Variants in PLCH1 observed in about 807,000 individuals in gnomAD.
PLCH1 encodes the protein phospholipase C eta 1, also known as 1-phosphatidylinositol 4,5-bisphosphate phosphodiesterase eta-1.
A neutral mutation model predicts 126.7 loss-of-function variants in PLCH1; 60 were observed. That is an observed-to-expected ratio of 0.47 (90% CI 0.38 to 0.59). The LOEUF is 0.59. Ranked by LOEUF, PLCH1 falls within the 20% of genes least tolerant of loss-of-function variation. The pLI, the probability that PLCH1 is intolerant of heterozygous loss-of-function variation, is 0.00. For missense variants in PLCH1, 1,723 were observed against 2,040.0 expected, an observed-to-expected ratio of 0.84 and a Z score of 2.99; for synonymous variants, 719 against 734.9, an observed-to-expected ratio of 0.98 and a Z score of 0.35.
At chr3:155,573,558 G>A (rs1161272418) in intron 6 of PLCH1, among the ~76,000 whole-genome samples, 1 of 152,124 alleles carries the variant, frequency 6.6e-6, no homozygotes, top group East Asian at 1.9e-4. Context: ...GCTGTTGGCT[G>A]GGCCTCTTTC....
chr3:155,633,412 T>TCACACACA lies in PLCH1; in HGVS notation c.80-37042_80-37035dup, dbSNP rs59152066. ...TTCTTTCAGCACTTATTATATAACA[T>TCACACACA]CACACACACACACACACACACACAC... is the stretch of plus-strand genomic sequence containing the variant. On this transcript the variant is annotated intron_variant, in intron 2 of 22. Coordinates refer to ENST00000460012, the MANE Select transcript of PLCH1 (RefSeq NM_014996.4). 3.1e-3 allele frequency among the ~76,000 whole-genome samples: 444 copies of TCACACACA among 142,444 alleles called. 3 individuals are homozygous for TCACACACA. The highest frequency in any genetic ancestry group is 3.6e-3 in the African/African-American group (141 of 38,650). The allele number at this position is 142,444 out of a possible 152,430, so 93.4% of individuals were successfully genotyped here.
intron 2 of PLCH1, among the ~76,000 whole-genome samples, chr3:155,683,077 G>C (rs781392722): frequency 1.3e-4 from 20 of 152,160 alleles, no homozygotes; most frequent in African/African-American, 4.8e-4. Context: ...AACCTGACAT[G>C]CATCAGTGGA....
At chr3:155,467,765 A>G (rs1712987266) in intron 21 of PLCH1, among the ~76,000 whole-genome samples, 1 of 152,190 alleles carries the variant, frequency 6.6e-6, no homozygotes, top group African/African-American at 2.4e-5. Context: ...TATCTTTCAA[A>G]CATGAAGGAG....
At chr3:155,478,529 G>A (rs1323047241), downstream of PLCH1, among the ~76,000 whole-genome samples, 1 of 151,984 alleles carries the variant, frequency 6.6e-6, no homozygotes, top group East Asian at 1.9e-4. Context: ...ATACATATAT[G>A]CACCTACTGT....
intron 1 of PLCH1, among the ~76,000 whole-genome samples, chr3:155,735,576 G>A (rs1247320338): frequency 1.3e-5 from 2 of 150,522 alleles, no homozygotes; most frequent in Non-Finnish European, 2.9e-5. Flanking sequence ...AGAGGTTGCA[G>A]TGAGCCAAGA....
intron 4 of PLCH1, among the ~76,000 whole-genome samples, chr3:155,587,024 A>C (rs1731465010): frequency 1.3e-5 from 2 of 152,308 alleles, no homozygotes; most frequent in Admixed American, 1.3e-4. Flanking sequence ...TTTAAACGTT[A>C]TCCCTTTTTG....
In PLCH1 at chr3:155,523,939, A is replaced by G. The variant is rs1208545874; in HGVS notation, c.1428T>C (p.Ser476=). 1.2e-6 allele frequency: 2 copies of G among 1,609,842 alleles called. No individual in the cohort carries two copies. Among genetic ancestry groups the G allele is most frequent in the Non-Finnish European group, 1.7e-6 (2 of 1,177,696 alleles). ...AEEGEVSDED[S]ADEIEDECKF... ...TGCACTCGTCTTCAATTTCATCTGC[A>G]CTGTCCTCATCAGAAACTTCCCCTT... Residue 476 remains serine (S), a synonymous_variant, in exon 11 of 23, where the codon AGT becomes AGC. Transcript: ENST00000460012.
In PLCH1 at chr3:155,575,268, G is replaced by A. The variant is rs148152837; in HGVS notation, c.772-6944C>T. Among the ~76,000 whole-genome samples, 376 of 152,218 alleles carry A rather than the reference G, an allele frequency of 2.5e-3. 7 individuals are homozygous for A. Among genetic ancestry groups the A allele is most frequent in the Admixed American group, 0.018 (268 of 15,274 alleles). On this transcript the variant is annotated intron_variant, in intron 6 of 22. Transcript: ENST00000460012. ...GAATGGGATAGTTACAAGCAAAAGA[G>A]ACTATAATTATTTCTCATGAGAGAG...
chr3:155,557,865 G>T (rs924534550), intron 8 of PLCH1, among the ~76,000 whole-genome samples: 6 of 152,176 alleles, frequency 3.9e-5, no homozygotes, highest in Admixed American at 2.6e-4. Flanking sequence ...CACTCCCAGA[G>T]ATAACTGGAG....
chr3:155,626,306 C>A (rs1737240115), intron 2 of PLCH1, among the ~76,000 whole-genome samples: 1 of 152,058 alleles, frequency 6.6e-6, no homozygotes, highest in Non-Finnish European at 1.5e-5. Context: ...CTCATTGACA[C>A]TGGTAGGTCA....
chr3:155,645,363 C>T (rs1739898418), intron 2 of PLCH1, among the ~76,000 whole-genome samples: 1 of 152,188 alleles, frequency 6.6e-6, no homozygotes, highest in Non-Finnish European at 1.5e-5. Context: ...GCGTGCACCA[C>T]TGATCCTGGC....
intron 2 of PLCH1, among the ~76,000 whole-genome samples, chr3:155,599,700 T>C (rs947806213): frequency 2.6e-5 from 4 of 152,222 alleles, no homozygotes; most frequent in African/African-American, 7.2e-5. Context: ...GGACTGCCTA[T>C]GTATCTGACA....
chr3:155,484,084 T>C (rs897397441), intron 22 of PLCH1, among the ~76,000 whole-genome samples: 1 of 152,204 alleles, frequency 6.6e-6, no homozygotes, highest in African/African-American at 2.4e-5. Context: ...TAGAATTTTG[T>C]AGTCTGCTTT....
chr3:155,486,017 C>T (rs1220632548), intron 21 of PLCH1: 2 of 648,140 alleles, frequency 3.1e-6, no homozygotes, highest in Non-Finnish European at 5.3e-6. Context: ...GAACTTCAGG[C>T]GCCTTAAAGC....
intron 1 of PLCH1, among the ~76,000 whole-genome samples, chr3:155,741,158 TG>T (rs1332707244): frequency 6.6e-6 from 1 of 152,232 alleles, no homozygotes; most frequent in Non-Finnish European, 1.5e-5. Context: ...ACAGCAGTAC[TG>T]GATTTCTCCT....
intron 2 of PLCH1, among the ~76,000 whole-genome samples, chr3:155,614,358 A>G (rs2108745882): frequency 6.6e-6 from 1 of 152,354 alleles, no homozygotes; most frequent in East Asian, 1.9e-4. Context: ...AAGTAGAAAG[A>G]ACAAATCTGG....
intron 10 of PLCH1, among the ~76,000 whole-genome samples, chr3:155,525,988 G>A (rs1463529553): frequency 6.6e-6 from 1 of 152,114 alleles, no homozygotes; most frequent in African/African-American, 2.4e-5. Flanking sequence ...AGGGGGTAAG[G>A]CCCAGGGGTC....
intron 1 of PLCH1, among the ~76,000 whole-genome samples, chr3:155,739,020 G>A (rs186255688): frequency 9.9e-5 from 15 of 152,258 alleles, no homozygotes; most frequent in Admixed American, 8.5e-4. Flanking sequence ...CTGTGTGAAC[G>A]ATGACATTCC....
intron 2 of PLCH1, among the ~76,000 whole-genome samples, chr3:155,616,752 C>T (rs1305376104): frequency 6.6e-6 from 1 of 152,100 alleles, no homozygotes; most frequent in Non-Finnish European, 1.5e-5. Flanking sequence ...AAGCTGTCTC[C>T]TCTCTATAAA....
Sources: allele counts gnomAD v4.1 joint callset (sites outside exome capture counted in the v4.1 genomes callset), GRCh38; gene constraint gnomAD v4.1.1; transcripts MANE v1.5; gene names NCBI Gene and HGNC (gene_info 2026-07-23, HGNC 2026-07-21).